HEATR1: variants seen among roughly 807,000 people sequenced by gnomAD.
HEATR1 encodes HEAT repeat containing 1, also known as HEAT repeat-containing protein 1.
A neutral mutation model predicts 248.2 loss-of-function variants in HEATR1; 77 were observed. That is an observed-to-expected ratio of 0.31 (90% confidence interval 0.26 to 0.37). HEATR1 has a LOEUF of 0.37. HEATR1 is among the 10% of genes least tolerant of loss of function. HEATR1 has a pLI of 1.00. For missense variants in HEATR1, 2,420 were observed against 2,504.9 expected (o/e 0.97, Z 0.72); for synonymous variants, 897 against 923.1 (o/e 0.97, Z 0.51).
At chr1:236,573,023 G>A (rs1169989979) in intron 24 of HEATR1, among the ~76,000 whole-genome samples, 195 bp from the exon 25 acceptor site, 1 of 152,076 alleles carries the variant, frequency 6.6e-6, no homozygotes, top group African/African-American at 2.4e-5. Context: ...TGAGAAGAAA[G>A]CAAAGTAGGG....
Position 236,553,773 on chromosome 1 carries a change from A to G in HEATR1, c.6079-34T>C, listed in dbSNP as rs771050963. The G allele has an allele frequency of 4.5e-6, 7 of 1,572,480 alleles. No individual in the cohort carries two copies. In the East Asian group the frequency reaches 1.6e-4, roughly 36 times the overall value. ...AGTAAGACAAAGACTTTGAACAACA[A>G]GTCTCATTTCTTTCTTCTGTTTGAA... is the stretch of plus-strand genomic sequence containing the variant. On this transcript the variant is annotated intron_variant, in intron 42 of 44. Coordinates refer to ENST00000366582, the MANE Select transcript of HEATR1 (RefSeq NM_018072.6).
At position 236,581,420 on chromosome 1, in the gene HEATR1, T is replaced by TAA. The variant is rs11338847; in HGVS notation, c.2563-8_2563-7dup. ...AAAACATCTTCTAGATGCACCTAAT[T>TAA]AAAAAAAAAAAAAAGCAAACTTTTA... On this transcript the variant is annotated splice_region_variant and splice_polypyrimidine_tract_variant and intron_variant, in intron 19 of 44. Transcript: ENST00000366582. 1.2e-3 allele frequency: 1,428 copies of TAA among 1,207,776 alleles called. 2 individuals carry two copies. Among genetic ancestry groups the TAA allele is most frequent in the South Asian group, 1.6e-3 (86 of 52,676 alleles). 74.8% of individuals were successfully genotyped at this position (1,207,776 alleles called of 1,614,324 possible). A position where few individuals can be genotyped will look rare whatever the true frequency, so the allele number is the denominator to read the frequency against.
intron 7 of HEATR1, 70 bp from the exon 8 acceptor site, chr1:236,595,743 T>C: frequency 6.6e-7 from 1 of 1,520,476 alleles, no homozygotes. Flanking sequence ...TATAAGAAAA[T>C]ATATAATCAC....
chr1:236,576,526 A>T, intron 21 of HEATR1, 149 bp from the exon 22 acceptor site: 1 of 710,428 alleles, frequency 1.4e-6, no homozygotes, highest in Non-Finnish European at 2.2e-6. Context: ...AACGTTATTA[A>T]AAACACACAG....
Position 236,582,768 on chromosome 1 carries a change from G to C in HEATR1, c.2530C>G (p.His844Asp), listed in dbSNP as rs139503389. 6.2e-7 allele frequency: 1 copy of C among 1,614,122 alleles called. No individual in the cohort carries two copies. The highest frequency in any genetic ancestry group is 8.5e-7 in the Non-Finnish European group (1 of 1,180,012). ...AAAAGTTTCATCAGAACTCTGAAAT[G>C]AACAGCATCGGCACCATTGAGCATC... ...EMMLNGADAV[H>D]FRVLMKLFIK... The change falls in exon 19 of 45, where the codon CAT becomes GAT. Residue 844 changes from histidine to aspartate, a missense_variant. Transcript: ENST00000366582.
At position 236,572,800 on chromosome 1, in the gene HEATR1, A is replaced by C; in HGVS notation, c.3488T>G (p.Ile1163Arg). The stretch of plus-strand genomic sequence containing the variant: ...AGCTTTATCTGGTGGCTCCAGTTCT[A>C]TTCGGACTTGTTCAGCATTAACGGA... ...GISVNAEQVR[I>R]ELEPPDKAKP... The change falls in exon 25 of 45, where the codon ATA (isoleucine) becomes AGA (arginine). Residue 1163 changes from isoleucine to arginine, a missense_variant. Physicochemically the swap from Ile to Arg is moderately conservative, Grantham distance 97. Transcript: ENST00000366582. 6.2e-7 allele frequency: 1 copy of C among 1,613,978 alleles called. No homozygotes were observed. The highest frequency in any genetic ancestry group is 1.1e-5 in the South Asian group (1 of 91,084).
Position 236,604,104 on chromosome 1 carries a change from C to A in HEATR1, c.-9G>T. The A allele has an allele frequency of 6.5e-7, 1 of 1,549,842 alleles. No individual in the cohort carries two copies. Among genetic ancestry groups the A allele is most frequent in the South Asian group, 1.2e-5 (1 of 82,124 alleles). On this transcript the variant is annotated 5_prime_UTR_variant, in exon 2 of 45. Coordinates refer to ENST00000366582, the MANE Select transcript of HEATR1 (RefSeq NM_018072.6). ...TGGGCTAAGGACGTCATCTTTCACG[C>A]CAGCGGAGTTTTAATGACACGGGCT...
chr1:236,568,233 T>C lies in HEATR1; in HGVS notation c.4077+763A>G, dbSNP rs76458671. 9.1e-3 allele frequency among the ~76,000 whole-genome samples: 1,387 copies of C among 152,356 alleles called. 39 individuals are homozygous for C. The highest frequency in any genetic ancestry group is 0.079 in the East Asian group (410 of 5,190). ...AGACTTTCCCCTATTCTGAACTCTT[T>C]AGCATTTACTTATTCGACTGGCACT... On this transcript the variant is annotated intron_variant, in intron 29 of 44. Coordinates refer to ENST00000366582, the MANE Select transcript of HEATR1 (RefSeq NM_018072.6).
rs559789234 is a variant in HEATR1 at position 236,577,180 on chromosome 1, C to T, written c.2756-231G>A. Among the ~76,000 whole-genome samples, 6 of 150,866 alleles carry T rather than the reference C, an allele frequency of 4.0e-5. No homozygotes were observed. In the East Asian group the frequency reaches 1.2e-3, roughly 30 times the overall value. ...TATAAACTCTGTTCTACACCAACTG[C>T]TATCACATATGAGCTGGACATTGCG... On this transcript the variant is annotated intron_variant, in intron 20 of 44. Transcript: ENST00000366582.
rs1663794999 is a variant in HEATR1 at position 236,583,050 on chromosome 1, A to T, written c.2388T>A (p.Phe796Leu). The change falls in exon 18 of 45, where the codon TTT becomes TTA. Residue 796 changes from phenylalanine to leucine, a missense_variant. Physicochemically the swap from Phe to Leu is conservative, Grantham distance 22. Coordinates refer to ENST00000366582, the MANE Select transcript of HEATR1 (RefSeq NM_018072.6). ...ATTTAGGAGCTTTCAGTGCATAAAT[A>T]AATTTTTTCAAGGAAAATACAAGAA... The part of the protein sequence containing the change: ...SVFLVFSLKK[F>L]IYALKAPKSF... 1 of 1,614,200 alleles carries T rather than the reference A, an allele frequency of 6.2e-7. No homozygotes were observed. Among genetic ancestry groups the T allele is most frequent in the South Asian group, 1.1e-5 (1 of 91,088 alleles).
chr1:236,581,047 T>C (rs1229281917), intron 20 of HEATR1, among the ~76,000 whole-genome samples, 175 bp downstream of exon 20: 2 of 151,882 alleles, frequency 1.3e-5, no homozygotes, highest in Non-Finnish European at 1.5e-5. Context: ...CTTGATCTCC[T>C]GACCTCATGA....
rs2103115292 is a variant in HEATR1, at chr1:236,549,083, G to T, written c.*1819C>A. On this transcript the variant is annotated 3_prime_UTR_variant, in exon 45 of 45. Transcript: ENST00000366582. ...GGCATTCATAAGGCAGGCACTATCA[G>T]AAAGTGTACGCCAACTAAGGGACCC... The T allele has an allele frequency of 2.5e-6, 1 of 398,296 alleles. No individual in the cohort carries two copies. Among genetic ancestry groups the T allele is most frequent in the East Asian group, 3.6e-5 (1 of 28,066 alleles). 24.7% of individuals were successfully genotyped at this position (398,296 alleles called of 1,614,324 possible). A position where few individuals can be genotyped will look rare whatever the true frequency, so the allele number is the denominator to read the frequency against.
chr1:236,567,794 G>A (rs141071605), intron 29 of HEATR1, among the ~76,000 whole-genome samples: 93 of 152,350 alleles, frequency 6.1e-4, no homozygotes, highest in African/African-American at 1.8e-3. Flanking sequence ...CTGATAGCAA[G>A]TCTGCTTAGA....
At position 236,556,209 on chromosome 1, in the gene HEATR1, G is replaced by A. The variant is rs752623367; in HGVS notation, c.5405C>T (p.Ala1802Val). 3.7e-6 allele frequency: 6 copies of A among 1,614,026 alleles called. No homozygotes were observed. The highest frequency in any genetic ancestry group is 5.1e-6 in the Non-Finnish European group (6 of 1,180,002). The change falls in exon 38 of 45, where the codon GCT becomes GTT. Residue 1802 changes from alanine (A) to valine (V), a missense_variant. Ala to Val is a moderately conservative substitution (Grantham distance 64, BLOSUM62 0). Coordinates refer to ENST00000366582, the MANE Select transcript of HEATR1 (RefSeq NM_018072.6). ...TTTAAGAGATGTGAGACGGATATTA[G>A]CCTGTGACGCAGAACCCATTTCACT... ...ITSEMGSASQ[A>V]NIRLTSLKKT... is the part of the protein sequence containing the mutation.
intron 36 of HEATR1, among the ~76,000 whole-genome samples, chr1:236,557,587 C>T (rs555329386): frequency 6.6e-6 from 1 of 152,238 alleles, no homozygotes; most frequent in Non-Finnish European, 1.5e-5. Context: ...TGAACACTTA[C>T]TATGTGTCAG....
rs1015173301 is a variant in HEATR1, at chr1:236,555,220, C to G, written c.5923+76G>C. ...ACCTCTAAAATCTTGCTTCCAAGCA[C>G]TAGGTTGTGTCTTACTGGTACCTTG... On this transcript the variant is annotated intron_variant, in intron 41 of 44. Transcript: ENST00000366582. The G allele has an allele frequency of 9.2e-5, 136 of 1,472,088 alleles. 2 individuals carry two copies. The East Asian group carries it at 3.1e-3, about 33-fold the overall frequency. The allele number at this position is 1,472,088 out of a possible 1,614,324, so 91.2% of individuals were successfully genotyped here. A position where few individuals can be genotyped will look rare whatever the true frequency, so the allele number is the denominator to read the frequency against.
rs1213447699 is a variant in HEATR1 at position 236,571,556 on chromosome 1, A to C, written c.3826+12T>G. Reference sequence around the variant, plus strand: ...ATAATTTTTCTAACCTTTCCTTCCAAAAAGTACCTACCTTTGGGTATTTTG... The same window carrying C: ...ATAATTTTTCTAACCTTTCCTTCCACAAAGTACCTACCTTTGGGTATTTTG... On this transcript the variant is annotated intron_variant, in intron 27 of 44. Transcript: ENST00000366582. 2 of 1,613,206 alleles carry C rather than the reference A, an allele frequency of 1.2e-6. No individual in the cohort carries two copies.
At chr1:236,583,293 G>C in intron 17 of HEATR1, 97 bp from the exon 18 acceptor site, 4 of 1,076,340 alleles carry the variant, frequency 3.7e-6, no homozygotes, top group Non-Finnish European at 5.3e-6. Flanking sequence ...TTTTGTTTAT[G>C]TGTGCATTTT....
chr1:236,572,850 A>C, intron 24 of HEATR1, 22 bp from the exon 25 acceptor site: 2 of 1,579,488 alleles, frequency 1.3e-6, no homozygotes, highest in Non-Finnish European at 1.7e-6. Flanking sequence ...AAGGAAGAAG[A>C]GTTGATGATA....
Sources: gnomAD v4.1 joint callset for allele counts (sites outside exome capture counted in the v4.1 genomes callset) on GRCh38, gnomAD v4.1.1 for gene constraint, MANE v1.5 for transcripts, NCBI Gene and HGNC (gene_info 2026-07-23, HGNC 2026-07-21) for gene names.